The following RAB8B variants were observed in gnomAD, a reference collection of about 807,000 sequenced individuals.
RAB8B encodes the protein ras-related protein Rab-8B.
RAB8B carries 11 observed loss-of-function variants against 32.0 expected under a neutral mutation model. The ratio of observed to expected loss-of-function variants is 0.34; its 90% CI spans 0.22 to 0.57. The LOEUF is 0.57. RAB8B is among the 20% of genes least tolerant of loss of function. RAB8B has a pLI of 0.86. For missense variants in RAB8B, 190 were observed against 258.5 expected (o/e 0.73, Z 1.82); for synonymous variants, 103 against 89.6 (o/e 1.15, Z -0.85).
At chr15:63,231,694 C>G (rs892273184) in intron 1 of RAB8B, among the ~76,000 whole-genome samples, 2 of 152,054 alleles carry the variant, frequency 1.3e-5, no homozygotes, top group Non-Finnish European at 2.9e-5. Flanking sequence ...GCAAGAGAGA[C>G]GCAACTGGTT....
At chr15:63,214,325 T>C in intron 1 of RAB8B, among the ~76,000 whole-genome samples, 1 of 131,154 alleles carries the variant, frequency 7.6e-6, no homozygotes, top group Admixed American at 8.3e-5. Context: ...GGAGTCTCAC[T>C]CTGCTACCCA....
chr15:63,240,532 A>G (rs541583446), intron 1 of RAB8B, among the ~76,000 whole-genome samples: 3 of 152,238 alleles, frequency 2.0e-5, no homozygotes, highest in Admixed American at 1.3e-4. Flanking sequence ...GTGCTTTTCA[A>G]TGAATTTTTA....
intron 5 of RAB8B, among the ~76,000 whole-genome samples, chr15:63,257,786 C>T (rs1461934827): frequency 6.6e-6 from 1 of 151,862 alleles, no homozygotes; most frequent in East Asian, 2.0e-4. Flanking sequence ...TAAGGCCTGG[C>T]GCAGTGGCTC....
At chr15:63,232,866 C>T (rs995793360) in intron 1 of RAB8B, among the ~76,000 whole-genome samples, 44 of 152,022 alleles carry the variant, frequency 2.9e-4, no homozygotes, top group African/African-American at 9.9e-4. Context: ...TGTTTTTCCT[C>T]CTAAACTTTA....
chr15:63,224,877 C>T (rs1239814550), intron 1 of RAB8B, among the ~76,000 whole-genome samples: 1 of 152,172 alleles, frequency 6.6e-6, no homozygotes, highest in East Asian at 1.9e-4. Flanking sequence ...ACTTGAGACA[C>T]AGAATCCTCA....
intron 1 of RAB8B, among the ~76,000 whole-genome samples, chr15:63,197,376 T>TTC (rs2037611540): frequency 7.3e-6 from 1 of 137,902 alleles, no homozygotes; most frequent in African/African-American, 2.7e-5. Context: ...TTTTCTTTTT[T>TTC]TTTTTTTTTT....
intron 1 of RAB8B, among the ~76,000 whole-genome samples, chr15:63,228,931 C>G (rs2037910767): frequency 6.6e-6 from 1 of 152,136 alleles, no homozygotes; most frequent in Non-Finnish European, 1.5e-5. Flanking sequence ...TTTTGAAAAT[C>G]ATCTCACATT....
chr15:63,225,773 CTAA>C (rs2037883792), intron 1 of RAB8B, among the ~76,000 whole-genome samples: 2 of 152,164 alleles, frequency 1.3e-5, no homozygotes, highest in South Asian at 4.1e-4. Flanking sequence ...GAGGTGCCCA[CTAA>C]TTCTTTTTCT....
At chr15:63,224,427 C>G (rs1441736672) in intron 1 of RAB8B, among the ~76,000 whole-genome samples, 1 of 152,200 alleles carries the variant, frequency 6.6e-6, no homozygotes, top group Non-Finnish European at 1.5e-5. Flanking sequence ...GCATGAGTGT[C>G]ACAGTCCCTG....
intron 1 of RAB8B, among the ~76,000 whole-genome samples, chr15:63,235,704 T>C (rs2037972793): frequency 1.3e-5 from 2 of 150,908 alleles, no homozygotes; most frequent in African/African-American, 2.4e-5. Flanking sequence ...TGAATGATAA[T>C]ACTGTTGTTT....
rs1250281331 is a variant in RAB8B at position 63,264,387 on chromosome 15, A to C, written c.*768A>C. On this transcript the variant is annotated 3_prime_UTR_variant, in exon 8 of 8. Coordinates refer to ENST00000321437, the MANE Select transcript of RAB8B (RefSeq NM_016530.3). Reference sequence around the variant, plus strand: ...TCCCATGTTTGACTTAAGTGTAATCACTCTTAAGTAATATTTGAACATTAT... The same window carrying C: ...TCCCATGTTTGACTTAAGTGTAATCCCTCTTAAGTAATATTTGAACATTAT... 1 of 152,108 alleles carries C rather than the reference A, an allele frequency of 6.6e-6. No individual in the cohort carries two copies. Among genetic ancestry groups the C allele is most frequent in the Non-Finnish European group, 1.5e-5 (1 of 68,034 alleles). 9.4% of individuals were successfully genotyped at this position (152,108 alleles called of 1,614,324 possible).
intron 3 of RAB8B, among the ~76,000 whole-genome samples, chr15:63,253,491 C>T (rs1308439462): frequency 6.6e-6 from 1 of 151,948 alleles, no homozygotes; most frequent in Admixed American, 6.6e-5. Context: ...TTCTAGTACC[C>T]TTACGGAAAG....
chr15:63,256,535 C>G lies in RAB8B; in HGVS notation c.355C>G (p.Leu119Val). ...CTCTTCCGATGTCGAAAGAATGATC[C>G]TGGGTAACAAATGTGATATGAATGA... ...HASSDVERMILGNKCDMNDKR... is the reference protein window; with the variant it reads ...HASSDVERMIVGNKCDMNDKR... The change falls in exon 5 of 8, where the codon CTG (leucine) becomes GTG (valine). Residue 119 changes from leucine (L) to valine (V), a missense_variant. Leu to Val is a conservative substitution (Grantham distance 32). Transcript: ENST00000321437. 6.2e-7 allele frequency: 1 copy of G among 1,603,348 alleles called. No homozygotes were observed. The highest frequency in any genetic ancestry group is 1.1e-5 in the South Asian group (1 of 88,586).
Position 63,257,262 on chromosome 15 carries a change from C to CT in RAB8B, c.414+683dup, listed in dbSNP as rs554753766. ...ATATATGCAAAATGCATTTTCTTTT[C>CT]TTTTTTTTTTTTTTTGAGACAAAGT... On this transcript the variant is annotated intron_variant, in intron 5 of 7. Coordinates refer to ENST00000321437, the MANE Select transcript of RAB8B (RefSeq NM_016530.3). Among the ~76,000 whole-genome samples, 995 of 139,472 alleles carry CT rather than the reference C, an allele frequency of 7.1e-3. 4 individuals carry two copies. Among genetic ancestry groups the CT allele is most frequent in the African/African-American group, 0.015 (580 of 38,294 alleles). 91.5% of individuals were successfully genotyped at this position (139,472 alleles called of 152,430 possible).
chr15:63,244,590 C>T (rs892172761), intron 1 of RAB8B, among the ~76,000 whole-genome samples, 166 bp from the exon 2 acceptor site: 5 of 152,176 alleles, frequency 3.3e-5, no homozygotes, highest in Admixed American at 2.6e-4. Context: ...ATTAGCATTC[C>T]TTTCTCCAGC....
chr15:63,215,697 A>G (rs980781243), intron 1 of RAB8B, among the ~76,000 whole-genome samples: 9 of 152,304 alleles, frequency 5.9e-5, no homozygotes, highest in African/African-American at 2.2e-4. Flanking sequence ...GGGAATTGGC[A>G]GAAGATTCAG....
At chr15:63,241,753 A>G (rs570879438) in intron 1 of RAB8B, among the ~76,000 whole-genome samples, 19 of 152,260 alleles carry the variant, frequency 1.2e-4, no homozygotes, top group Admixed American at 1.1e-3. Context: ...ATTGTTCTTG[A>G]TGCCAGGCCC....
At chr15:63,237,648 G>A (rs954971859) in intron 1 of RAB8B, among the ~76,000 whole-genome samples, 6 of 151,976 alleles carry the variant, frequency 3.9e-5, no homozygotes, top group African/African-American at 1.5e-4. Flanking sequence ...TTGTCAGATG[G>A]GTAGTTTGCA....
At chr15:63,213,101 C>G (rs1183173468) in intron 1 of RAB8B, among the ~76,000 whole-genome samples, 1 of 152,152 alleles carries the variant, frequency 6.6e-6, no homozygotes, top group Non-Finnish European at 1.5e-5. Context: ...AAGGAACTCT[C>G]TAGGTTCTGA....
Sources: allele counts gnomAD v4.1 joint callset (sites outside exome capture counted in the v4.1 genomes callset), GRCh38; gene constraint gnomAD v4.1.1; transcripts MANE v1.5; gene names NCBI Gene and HGNC (gene_info 2026-07-23, HGNC 2026-07-21).